IPO5: variants seen among roughly 807,000 people sequenced by gnomAD.
IPO5 encodes the protein importin-5.
Under a neutral mutation model 143.3 loss-of-function variants are expected in IPO5, and 18 were observed. The observed-to-expected ratio is 0.13, with a 90% CI of 0.09 to 0.19. The LOEUF is 0.19. Ranked by LOEUF, IPO5 falls within the 10% of genes least tolerant of loss-of-function variation. The probability of loss-of-function intolerance (pLI) is 1.00; values close to 1 mark genes in which losing one functional copy is unlikely to be tolerated. For missense variants in IPO5, 1,013 were observed against 1,336.9 expected, an observed-to-expected ratio of 0.76 and a Z score of 3.78; for synonymous variants, 477 against 465.7, an observed-to-expected ratio of 1.02 and a Z score of -0.31.
chr13:97,963,130 C>T (rs548353864), intron 2 of IPO5: 12 of 152,282 alleles, frequency 7.9e-5, no homozygotes, highest in African/African-American at 2.9e-4. Context: ...TTAAAGTCAA[C>T]TGATTATAAA....
intron 11 of IPO5, among the ~76,000 whole-genome samples, chr13:97,995,764 A>C (rs1362996113): frequency 6.6e-6 from 1 of 151,888 alleles, no homozygotes; most frequent in East Asian, 1.9e-4. Flanking sequence ...CAAAAATAAT[A>C]ATAATAATAA....
intron 20 of IPO5, 46 bp downstream of exon 20, chr13:98,010,270 T>A (rs1450946863): frequency 1.3e-6 from 2 of 1,554,766 alleles, no homozygotes; most frequent in Non-Finnish European, 1.8e-6. Context: ...ACATCTTATA[T>A]ACATTTCATA....
At chr13:97,976,604 C>T in intron 3 of IPO5, 89 bp from the exon 4 acceptor site, 2 of 348,428 alleles carry the variant, frequency 5.7e-6, no homozygotes, top group Non-Finnish European at 8.9e-6. Context: ...GTGCCGGTCC[C>T]CGCGCTGGGC....
chr13:97,976,023 A>G (rs1020346252), intron 3 of IPO5: 64 of 920,280 alleles, frequency 7.0e-5, no homozygotes, highest in Non-Finnish European at 8.3e-5. Context: ...GTCTAAAGGG[A>G]CTGCCTTCCT....
At chr13:97,964,862 A>G (rs1211736217) in intron 2 of IPO5, among the ~76,000 whole-genome samples, 1 of 152,198 alleles carries the variant, frequency 6.6e-6, no homozygotes, top group East Asian at 1.9e-4. Context: ...AAGGATTATA[A>G]ATCATTCTAC....
intron 11 of IPO5, 149 bp downstream of exon 11, chr13:97,993,374 A>G (rs1594083494): frequency 3.0e-6 from 2 of 677,230 alleles, no homozygotes; most frequent in East Asian, 5.5e-5. Context: ...ATCTCAATAC[A>G]TGCAAGCGTG....
intron 3 of IPO5, among the ~76,000 whole-genome samples, chr13:97,973,888 G>A (rs951176919): frequency 6.6e-6 from 1 of 151,930 alleles, no homozygotes; most frequent in Non-Finnish European, 1.5e-5. Context: ...TGGGTAACAG[G>A]AAGACCCCAT....
rs574883709 is a variant in IPO5, at chr13:97,997,781, T to G, written c.1001+163T>G. ...TTGCTGTGTCACATGTTATAAGTAG[T>G]ATTTTCTTTAGTTTTCATGTATAAT... is the stretch of plus-strand genomic sequence containing the variant. On this transcript the variant is annotated intron_variant, in intron 12 of 28. Coordinates refer to ENST00000651721, the MANE Select transcript of IPO5 (RefSeq NM_002271.6). Among the ~76,000 whole-genome samples, 3 of 152,336 alleles carry G rather than the reference T, an allele frequency of 2.0e-5. No homozygotes were observed. The South Asian group carries it at 6.2e-4, about 32-fold the overall frequency.
intron 28 of IPO5, 115 bp downstream of exon 28, chr13:98,021,248 C>A: frequency 1.1e-6 from 1 of 912,016 alleles, no homozygotes; most frequent in South Asian, 2.0e-5. Flanking sequence ...TTTATATTTT[C>A]ATAGTCTCTT....
intron 20 of IPO5, among the ~76,000 whole-genome samples, 154 bp downstream of exon 20, chr13:98,010,378 G>T (rs1237065200): frequency 2.0e-5 from 3 of 152,152 alleles, no homozygotes; most frequent in Non-Finnish European, 4.4e-5. Context: ...GAAATCGTAT[G>T]GATAAACCTT....
chr13:97,989,534 C>T (rs1281214592), intron 7 of IPO5, among the ~76,000 whole-genome samples: 1 of 152,026 alleles, frequency 6.6e-6, no homozygotes, highest in Non-Finnish European at 1.5e-5. Flanking sequence ...CAGGTGAATC[C>T]CCATTATGTT....
chr13:98,020,138 G>T lies in IPO5; in HGVS notation c.3065+329G>T, dbSNP rs560640859. Among the ~76,000 whole-genome samples, 14 of 152,174 alleles carry T rather than the reference G, an allele frequency of 9.2e-5. No homozygotes were observed. The East Asian group carries it at 2.7e-3, about 29-fold the overall frequency. ...TGCACAGGCAGGTCGCAAACTCTTG[G>T]CCTCAAGAGATCCTCCCACCTCAGC... On this transcript the variant is annotated intron_variant, in intron 27 of 28. Coordinates refer to ENST00000651721, the MANE Select transcript of IPO5 (RefSeq NM_002271.6).
chr13:97,974,743 T>C (rs189905399), intron 3 of IPO5, among the ~76,000 whole-genome samples: 22 of 149,348 alleles, frequency 1.5e-4, no homozygotes, highest in African/African-American at 4.2e-4. Flanking sequence ...ATGTGCATAG[T>C]GGTTTGTCTA....
intron 3 of IPO5, among the ~76,000 whole-genome samples, chr13:97,975,038 C>A (rs1886151476): frequency 6.6e-6 from 1 of 152,210 alleles, no homozygotes; most frequent in South Asian, 2.1e-4. Flanking sequence ...AAGAGCAGAA[C>A]TGCAGCAGAA....
chr13:97,955,424 C>T (rs992300904), intron 2 of IPO5, among the ~76,000 whole-genome samples: 2 of 152,166 alleles, frequency 1.3e-5, no homozygotes, highest in East Asian at 1.9e-4. Flanking sequence ...CAAGTGGAGA[C>T]AGTTGTCATT....
At chr13:97,991,271 T>C (rs1887778325) in intron 9 of IPO5, among the ~76,000 whole-genome samples, 1 of 152,126 alleles carries the variant, frequency 6.6e-6, no homozygotes, top group South Asian at 2.1e-4. Flanking sequence ...AAACGTATAA[T>C]AAAATGGCTT....
intron 7 of IPO5, among the ~76,000 whole-genome samples, chr13:97,989,536 C>T (rs1432587358): frequency 1.3e-5 from 2 of 152,136 alleles, no homozygotes; most frequent in East Asian, 3.8e-4. Flanking sequence ...GGTGAATCCC[C>T]ATTATGTTTT....
chr13:97,963,526 C>T (rs547349517), intron 2 of IPO5, among the ~76,000 whole-genome samples: 8 of 152,074 alleles, frequency 5.3e-5, no homozygotes, highest in South Asian at 2.1e-4. Flanking sequence ...TGCACCCTCA[C>T]GCCCGGCTAA....
chr13:97,996,625 C>G (rs1438582763), intron 11 of IPO5, among the ~76,000 whole-genome samples: 4 of 151,918 alleles, frequency 2.6e-5, no homozygotes, highest in African/African-American at 9.7e-5. Flanking sequence ...TTTTTTTAGA[C>G]AGAGTCTCGC....
Sources: gnomAD v4.1 joint callset for allele counts (sites outside exome capture counted in the v4.1 genomes callset) on GRCh38, gnomAD v4.1.1 for gene constraint, MANE v1.5 for transcripts, NCBI Gene and HGNC (gene_info 2026-07-23, HGNC 2026-07-21) for gene names.